PTPRM: variants seen among roughly 807,000 people sequenced by gnomAD.
PTPRM encodes the protein receptor-type tyrosine-protein phosphatase mu.
PTPRM carries 47 observed loss-of-function variants against 186.7 expected under a neutral mutation model. That is an observed-to-expected ratio of 0.25 (90% CI 0.20 to 0.32). The LOEUF is 0.32. Among genes scored for constraint, PTPRM ranks in the 10% least tolerant of loss-of-function variants. The pLI is 1.00. For missense variants in PTPRM, 1,494 were observed against 1,865.0 expected, an observed-to-expected ratio of 0.80 and a Z score of 3.66; for synonymous variants, 668 against 674.9, an observed-to-expected ratio of 0.99 and a Z score of 0.16.
intron 19 of PTPRM, among the ~76,000 whole-genome samples, chr18:8,271,179 T>G (rs897185119): frequency 6.6e-6 from 1 of 152,168 alleles, no homozygotes; most frequent in African/African-American, 2.4e-5. Context: ...CTTTAATCCC[T>G]GGTTTATTTA....
intron 7 of PTPRM, among the ~76,000 whole-genome samples, chr18:8,010,047 T>C (rs186780875): frequency 1.8e-3 from 279 of 152,354 alleles, no homozygotes; most frequent in Non-Finnish European, 3.2e-3. Context: ...ATTTCTTATA[T>C]GTAAGTATCT....
chr18:8,280,364 G>A lies in PTPRM; in HGVS notation c.2755-16004G>A, dbSNP rs139509730. Among the ~76,000 whole-genome samples the A allele has an allele frequency of 5.0e-3, 742 of 149,046 alleles. 7 individuals carry two copies. Among genetic ancestry groups the A allele is most frequent in the African/African-American group, 0.017 (709 of 40,726 alleles). On this transcript the variant is annotated intron_variant, in intron 19 of 32. Transcript: ENST00000580170. ...CAAATACAGTCACATTCTGAGGTAC[G>A]GGAGCTTAGGACTTCAACATATTGA...
chr18:7,837,239 A>T (rs1382885495), intron 2 of PTPRM, among the ~76,000 whole-genome samples: 2 of 152,168 alleles, frequency 1.3e-5, no homozygotes, highest in African/African-American at 4.8e-5. Context: ...GTATTTTCAA[A>T]TAGCTGGTCT....
chr18:8,079,423 T>C (rs2090006499), intron 9 of PTPRM, among the ~76,000 whole-genome samples: 1 of 152,208 alleles, frequency 6.6e-6, no homozygotes, highest in South Asian at 2.1e-4. Context: ...AGTGCAGAAG[T>C]ATTCAAAATA....
At chr18:7,839,285 G>C (rs1017498424) in intron 2 of PTPRM, among the ~76,000 whole-genome samples, 1 of 152,196 alleles carries the variant, frequency 6.6e-6, no homozygotes, top group African/African-American at 2.4e-5. Flanking sequence ...CACCACAGCT[G>C]GGAATGTGCT....
Position 7,818,220 on chromosome 18 carries a change from G to C in PTPRM, c.196+43949G>C, listed in dbSNP as rs142432274. Among the ~76,000 whole-genome samples the C allele has an allele frequency of 1.1e-4, 16 of 152,234 alleles. No homozygotes were observed. In the East Asian group the frequency reaches 2.3e-3, roughly 22 times the overall value. The stretch of plus-strand genomic sequence containing the variant: ...ACTAATTTAGTTTTTTTTCCGACGA[G>C]TCTTGTATTGGAAAGTAGCTTAATA... On this transcript the variant is annotated intron_variant, in intron 2 of 32. Transcript: ENST00000580170.
At chr18:7,662,705 G>A (rs569500479) in intron 1 of PTPRM, among the ~76,000 whole-genome samples, 18 of 152,160 alleles carry the variant, frequency 1.2e-4, no homozygotes, top group East Asian at 3.9e-4. Context: ...AAAATAACAA[G>A]TATAATTGAA....
chr18:7,912,246 T>C (rs1019510536), intron 4 of PTPRM, among the ~76,000 whole-genome samples: 22 of 152,208 alleles, frequency 1.4e-4, no homozygotes, highest in African/African-American at 5.1e-4. Context: ...CTTTTGCATA[T>C]GGATATGCAG....
At chr18:7,973,257 T>G (rs1160905098) in intron 7 of PTPRM, among the ~76,000 whole-genome samples, 1 of 152,138 alleles carries the variant, frequency 6.6e-6, no homozygotes, top group African/African-American at 2.4e-5. Flanking sequence ...AGTTTTAAGG[T>G]AGAATTGCAG....
chr18:8,341,895 A>G (rs1468277550), intron 22 of PTPRM, among the ~76,000 whole-genome samples: 1 of 152,238 alleles, frequency 6.6e-6, no homozygotes, highest in Non-Finnish European at 1.5e-5. Flanking sequence ...CAGCCTCTAC[A>G]TCAGGAGAAT....
intron 14 of PTPRM, among the ~76,000 whole-genome samples, chr18:8,178,043 G>A (rs938990011): frequency 1.3e-5 from 2 of 152,166 alleles, no homozygotes; most frequent in South Asian, 4.1e-4. Context: ...GCCTCTTAGT[G>A]TGCATGCTTG....
At chr18:7,795,888 C>T (rs1242003115) in intron 2 of PTPRM, among the ~76,000 whole-genome samples, 4 of 145,650 alleles carry the variant, frequency 2.7e-5, no homozygotes, top group African/African-American at 7.7e-5. Context: ...GATTATAGCT[C>T]ACTGAACCTT....
At chr18:7,977,855 G>A (rs72897605) in intron 7 of PTPRM, among the ~76,000 whole-genome samples, 9,256 of 152,222 alleles carry the variant, frequency 0.061, 420 homozygotes, top group South Asian at 0.1. Flanking sequence ...TGAAACAGTG[G>A]CAGGCAAACT....
chr18:8,026,198 A>G (rs1296739231), intron 7 of PTPRM, among the ~76,000 whole-genome samples: 1 of 152,236 alleles, frequency 6.6e-6, no homozygotes, highest in Non-Finnish European at 1.5e-5. Flanking sequence ...GGTTGAGTTC[A>G]TAAGACTTTT....
chr18:7,732,101 G>T (rs981617458), intron 1 of PTPRM, among the ~76,000 whole-genome samples: 2 of 152,140 alleles, frequency 1.3e-5, no homozygotes, highest in African/African-American at 2.4e-5. Context: ...AAATAAGAAT[G>T]GTGTAAGCAA....
At chr18:8,228,478 A>T (rs2094242765) in intron 14 of PTPRM, among the ~76,000 whole-genome samples, 1 of 152,092 alleles carries the variant, frequency 6.6e-6, no homozygotes, top group Non-Finnish European at 1.5e-5. Context: ...TCAAGTTATA[A>T]ATGAAGTTGT....
chr18:8,074,888 A>G (rs1043243445), intron 8 of PTPRM, among the ~76,000 whole-genome samples: 5 of 152,126 alleles, frequency 3.3e-5, no homozygotes, highest in African/African-American at 1.2e-4. Context: ...AAAGGTTTTC[A>G]TTGTGATAAT....
At chr18:7,750,325 C>T (rs1530516) in intron 1 of PTPRM, among the ~76,000 whole-genome samples, 17,018 of 152,142 alleles carry the variant, frequency 0.11, 1,986 homozygotes, top group African/African-American at 0.3. Context: ...AAAACAAGCT[C>T]GTTAAAGACT....
chr18:7,809,738 T>G (rs575080929), intron 2 of PTPRM, among the ~76,000 whole-genome samples: 1 of 152,260 alleles, frequency 6.6e-6, no homozygotes, highest in South Asian at 2.1e-4. Flanking sequence ...TGAGCCCCTT[T>G]CGGTGTTACA....
Sources: allele counts gnomAD v4.1 joint callset (sites outside exome capture counted in the v4.1 genomes callset), GRCh38; gene constraint gnomAD v4.1.1; transcripts MANE v1.5; gene names NCBI Gene and HGNC (gene_info 2026-07-23, HGNC 2026-07-21).